The following ACSM4 variants were observed in gnomAD, a reference collection of about 807,000 sequenced individuals.
The protein encoded by ACSM4 is acyl-coenzyme A synthetase ACSM4, mitochondrial.
In ACSM4, 66 loss-of-function variants were observed where a neutral mutation model predicts 73.0. The observed-to-expected ratio is 0.90, with a 90% CI of 0.74 to 1.11. The LOEUF is 1.11. Among genes scored for constraint, ACSM4 ranks in the 50% least tolerant of loss-of-function variants. ACSM4 has a pLI of 0.00. For missense variants in ACSM4, 645 were observed against 714.4 expected, an observed-to-expected ratio of 0.90 and a Z score of 1.11; for synonymous variants, 222 against 254.0, an observed-to-expected ratio of 0.87 and a Z score of 1.20.
At chr12:7,323,357 A>G in intron 8 of ACSM4, 43 bp downstream of exon 8, 1 of 1,595,882 alleles carries the variant, frequency 6.3e-7, no homozygotes, top group Non-Finnish European at 8.6e-7. Context: ...AAGGAGAGAG[A>G]ACGTTTTCCT....
At chr12:7,317,082 A>C (rs992216170) in intron 3 of ACSM4, 55 bp from the exon 4 acceptor site, 10 of 1,559,806 alleles carry the variant, frequency 6.4e-6, no homozygotes, top group African/African-American at 1.4e-5. Flanking sequence ...AGGAAATATC[A>C]GAGTCAAACT....
Position 7,322,406 on chromosome 12 carries a change from C to A in ACSM4, c.1002-12C>A, listed in dbSNP as rs7137372. Reference sequence around the variant, plus strand: ...TCCTCTTGAAAAGACCCATGCAACTCTGTCTCTCCAGATATAAATTCAAGA... The same window carrying A: ...TCCTCTTGAAAAGACCCATGCAACTATGTCTCTCCAGATATAAATTCAAGA... On this transcript the variant is annotated splice_polypyrimidine_tract_variant and intron_variant, in intron 6 of 12. Transcript: ENST00000399422. 5.7e-4 allele frequency: 912 copies of A among 1,613,448 alleles called. 3 individuals carry two copies. In the African/African-American group the frequency reaches 8.9e-3, roughly 16 times the overall value.
At chr12:7,318,262 G>T in intron 5 of ACSM4, 80 bp downstream of exon 5, 1 of 1,539,512 alleles carries the variant, frequency 6.5e-7, no homozygotes, top group South Asian at 1.2e-5. Flanking sequence ...TTATTCCTTA[G>T]AATACAAGGC....
At chr12:7,327,190 A>C in intron 12 of ACSM4, 95 bp downstream of exon 12, 80 of 1,364,660 alleles carry the variant, frequency 5.9e-5, no homozygotes, top group South Asian at 9.0e-5. Context: ...ATAGTAGCTC[A>C]TTATATAGGT....
chr12:7,306,553 C>A lies in ACSM4; in HGVS notation c.222C>A (p.Asn74Lys), dbSNP rs773976877. The A allele has an allele frequency of 1.3e-6, 2 of 1,597,770 alleles. No individual in the cohort carries two copies. The highest frequency in any genetic ancestry group is 1.7e-6 in the Non-Finnish European group (2 of 1,172,260). ...GTCAGACAGGGGAGAGACCAGCTAA[C>A]CCAGCCCTGTGGTGGGTGAATGGCA... ...QKEKTGERPA[N>K]PALWWVNGKG... Residue 74 changes from asparagine (N) to lysine (K), a missense_variant, in exon 2 of 13, where the codon AAC becomes AAA. By Grantham distance (94) the Asn-to-Lys change is moderately conservative (BLOSUM62 0). Transcript: ENST00000399422.
intron 2 of ACSM4, among the ~76,000 whole-genome samples, chr12:7,309,454 G>A (rs760478070): frequency 6.6e-6 from 1 of 152,278 alleles, no homozygotes; most frequent in South Asian, 2.1e-4. Flanking sequence ...AGCTACTTAT[G>A]TGCTTCTACT....
At chr12:7,324,098 A>T (rs1250154135) in intron 9 of ACSM4, among the ~76,000 whole-genome samples, 175 bp from the exon 10 acceptor site, 4 of 152,012 alleles carry the variant, frequency 2.6e-5, no homozygotes, top group Non-Finnish European at 5.9e-5. Context: ...GGATCACTAG[A>T]GCCCAGGAGG....
At position 7,324,604 on chromosome 12, in the gene ACSM4, T is replaced by C; in HGVS notation, c.1536+6T>C. On this transcript the variant is annotated splice_donor_region_variant and intron_variant, in intron 11 of 12. Transcript: ENST00000399422. ...CAGATCAAATCCGCGGAGAGGTAGATGAATGTCATTTATTAAAGAAGCAAC... is the reference window on the plus strand; with the variant it reads ...CAGATCAAATCCGCGGAGAGGTAGACGAATGTCATTTATTAAAGAAGCAAC... 4 of 1,613,450 alleles carry C rather than the reference T, an allele frequency of 2.5e-6. No homozygotes were observed. Among genetic ancestry groups the C allele is most frequent in the Non-Finnish European group, 3.4e-6 (4 of 1,179,388 alleles).
In ACSM4 at chr12:7,324,544, T is replaced by A. The variant is rs760565674; in HGVS notation, c.1482T>A (p.His494Gln). Residue 494 changes from histidine (H) to glutamine (Q), a missense_variant, in exon 11 of 13, where the codon CAT becomes CAA. Transcript: ENST00000399422. ...AAGTGGAGAGTGCACTCATTGAGCA[T>A]CCAGCAGTTGTTGAATCGGCTGTTG... Reference protein sequence around the residue: ...PFEVESALIEHPAVVESAVVS... With the variant: ...PFEVESALIEQPAVVESAVVS... 1.2e-6 allele frequency: 2 copies of A among 1,613,978 alleles called. No individual in the cohort carries two copies. The highest frequency in any genetic ancestry group is 3.3e-5 in the Admixed American group (2 of 60,032).
At chr12:7,317,584 T>C (rs1014817606) in intron 4 of ACSM4, among the ~76,000 whole-genome samples, 3 of 152,202 alleles carry the variant, frequency 2.0e-5, no homozygotes, top group African/African-American at 7.2e-5. Flanking sequence ...TATCCGACCA[T>C]TGTCACATTA....
intron 2 of ACSM4, among the ~76,000 whole-genome samples, chr12:7,306,945 A>G (rs1946366013): frequency 6.6e-6 from 1 of 151,998 alleles, no homozygotes; most frequent in African/African-American, 2.4e-5. Context: ...TTTGCAGAAG[A>G]GGAAACCAAG....
chr12:7,306,535 A>G lies in ACSM4; in HGVS notation c.204A>G (p.Thr68=), dbSNP rs200478386. ...CTTTTCCATGTGTCCCTGGTCAGAC[A>G]GGGGAGAGACCAGCTAACCCAGCCC... is the stretch of plus-strand genomic sequence containing the variant. ...VLDQWSQKEK[T]GERPANPALW... is the part of the protein sequence containing the mutation. Residue 68 remains threonine, a splice_region_variant and synonymous_variant, in exon 2 of 13, where the codon ACA becomes ACG. Coordinates refer to ENST00000399422, the MANE Select transcript of ACSM4 (RefSeq NM_001080454.2). 1.1e-4 allele frequency: 176 copies of G among 1,589,844 alleles called. No individual in the cohort carries two copies. Among genetic ancestry groups the G allele is most frequent in the Non-Finnish European group, 1.4e-4 (167 of 1,168,350 alleles).
chr12:7,317,556 C>T (rs1946430659), intron 4 of ACSM4, among the ~76,000 whole-genome samples: 3 of 152,164 alleles, frequency 2.0e-5, no homozygotes, highest in African/African-American at 7.2e-5. Flanking sequence ...CCCAGAAAGG[C>T]CTTCCTAAAA....
intron 3 of ACSM4, among the ~76,000 whole-genome samples, chr12:7,314,548 A>G (rs993954216): frequency 1.3e-5 from 2 of 152,086 alleles, no homozygotes; most frequent in African/African-American, 2.4e-5. Context: ...GTAGGTAGGT[A>G]GATAGGTAGA....
At position 7,320,732 on chromosome 12, in the gene ACSM4, C is replaced by T; in HGVS notation, c.929C>T (p.Thr310Ile). Residue 310 changes from threonine to isoleucine, a missense_variant, in exon 6 of 13, where the codon ACT becomes ATT. Coordinates refer to ENST00000399422, the MANE Select transcript of ACSM4 (RefSeq NM_001080454.2). ...FDTDTFLDTL[T>I]TYPITTLCSP... Reference sequence around the variant, plus strand: ...TCTTTCTCCATCATCCAGACACTTACTACTTATCCCATCACGACCCTGTGC... The same window carrying T: ...TCTTTCTCCATCATCCAGACACTTATTACTTATCCCATCACGACCCTGTGC... 6.2e-7 allele frequency: 1 copy of T among 1,613,304 alleles called. No individual in the cohort carries two copies. Among genetic ancestry groups the T allele is most frequent in the East Asian group, 2.2e-5 (1 of 44,850 alleles).
At chr12:7,307,602 C>G (rs1246937233) in intron 2 of ACSM4, among the ~76,000 whole-genome samples, 1 of 152,182 alleles carries the variant, frequency 6.6e-6, no homozygotes, top group Non-Finnish European at 1.5e-5. Context: ...CACTTTCTCC[C>G]CAAGTAGTAA....
intron 3 of ACSM4, among the ~76,000 whole-genome samples, chr12:7,312,120 AT>A (rs2136330319): frequency 6.6e-6 from 1 of 152,374 alleles, no homozygotes; most frequent in Admixed American, 6.5e-5. Context: ...GCTACTTGCT[AT>A]CTGCCCCTTT....
At chr12:7,309,802 G>C (rs922819705) in intron 2 of ACSM4, among the ~76,000 whole-genome samples, 1 of 152,072 alleles carries the variant, frequency 6.6e-6, no homozygotes. Context: ...TTGTTTGTTT[G>C]AGACAGAGTC....
rs567897116 is a variant in ACSM4, at chr12:7,322,331, A to G, written c.1002-87A>G. Reference sequence around the variant, plus strand: ...CTAAGACTTGCCTCTCCTAGCTGCTATGCTTACTGCTTGAATGTCCTAATT... The same window carrying G: ...CTAAGACTTGCCTCTCCTAGCTGCTGTGCTTACTGCTTGAATGTCCTAATT... On this transcript the variant is annotated intron_variant, in intron 6 of 12. Coordinates refer to ENST00000399422, the MANE Select transcript of ACSM4 (RefSeq NM_001080454.2). The G allele has an allele frequency of 1.6e-4, 251 of 1,573,534 alleles. 1 individual carries two copies. In the South Asian group the frequency reaches 2.6e-3, roughly 16 times the overall value.
Sources: gnomAD v4.1 joint callset for allele counts (sites outside exome capture counted in the v4.1 genomes callset) on GRCh38, gnomAD v4.1.1 for gene constraint, MANE v1.5 for transcripts, NCBI Gene and HGNC (gene_info 2026-07-23, HGNC 2026-07-21) for gene names.